SLC9C2: variants seen among roughly 807,000 people sequenced by gnomAD.
SLC9C2 encodes sodium/hydrogen exchanger 11.
Under a neutral mutation model 140.2 loss-of-function variants are expected in SLC9C2, and 75 were observed. The observed-to-expected ratio is 0.53, with a 90% confidence interval of 0.44 to 0.65. SLC9C2 has a LOEUF of 0.65. Among genes scored for constraint, SLC9C2 ranks in the 30% least tolerant of loss-of-function variants. The pLI, the probability that SLC9C2 is intolerant of heterozygous loss-of-function variation, is 0.00. For synonymous variants in SLC9C2, 375 were observed against 420.9 expected (o/e 0.89, Z 1.34); for missense variants, 1,074 against 1,331.8 (o/e 0.81, Z 3.01).
intron 26 of SLC9C2, among the ~76,000 whole-genome samples, chr1:173,504,048 G>A (rs1659463606): frequency 6.6e-6 from 1 of 152,196 alleles, no homozygotes; most frequent in Non-Finnish European, 1.5e-5. Context: ...GCTAGACCCT[G>A]AGTTCCCAGC....
At chr1:173,501,186 T>C (rs1027353607) in intron 27 of SLC9C2, 89 bp from the exon 28 acceptor site, 1 of 1,299,674 alleles carries the variant, frequency 7.7e-7, no homozygotes, top group African/African-American at 1.5e-5. Context: ...AAAACTTATG[T>C]AGGCATTTCT....
chr1:173,586,879 G>C (rs566743736), intron 5 of SLC9C2, among the ~76,000 whole-genome samples: 9 of 152,260 alleles, frequency 5.9e-5, no homozygotes, highest in African/African-American at 9.6e-5. Context: ...GGGCCTGTTG[G>C]GGGGTGGAGG....
At chr1:173,595,047 A>C (rs1180774595) in intron 4 of SLC9C2, among the ~76,000 whole-genome samples, 1 of 152,100 alleles carries the variant, frequency 6.6e-6, no homozygotes, top group Non-Finnish European at 1.5e-5. Flanking sequence ...TTACAGGTGC[A>C]TGCCACCATG....
At chr1:173,571,368 C>T (rs1664833767) in intron 9 of SLC9C2, 2 of 152,268 alleles carry the variant, frequency 1.3e-5, no homozygotes, top group African/African-American at 4.8e-5. Flanking sequence ...CAAGGCCTCC[C>T]TGCTGTTTAT....
chr1:173,585,138 G>C (rs541544285), intron 5 of SLC9C2, among the ~76,000 whole-genome samples: 1 of 152,036 alleles, frequency 6.6e-6, no homozygotes, highest in South Asian at 2.1e-4. Context: ...TTCCAGATTT[G>C]CTTTAAAATA....
rs574638827 is a variant in SLC9C2 at position 173,534,081 on chromosome 1, T to C, written c.1975-284A>G. On this transcript the variant is annotated intron_variant, in intron 16 of 27. Coordinates refer to ENST00000367714, the MANE Select transcript of SLC9C2 (RefSeq NM_178527.4). ...ATACTATTAATAATAAAGTATGAAA[T>C]AGTAATGCTCATAAATCACCTTTTA... Among the ~76,000 whole-genome samples, 3 of 152,266 alleles carry C rather than the reference T, an allele frequency of 2.0e-5. No homozygotes were observed. The South Asian group carries it at 6.2e-4, about 32-fold the overall frequency.
intron 9 of SLC9C2, among the ~76,000 whole-genome samples, chr1:173,564,572 G>A (rs531397452): frequency 4.7e-4 from 71 of 150,374 alleles, no homozygotes; most frequent in Non-Finnish European, 8.6e-4. Context: ...CCTATGACTT[G>A]TTTGAGCTCC....
Position 173,513,689 on chromosome 1 carries a change from C to T in SLC9C2, c.2907+3848G>A, listed in dbSNP as rs187716556. Among the ~76,000 whole-genome samples, 764 of 151,568 alleles carry T rather than the reference C, an allele frequency of 5.0e-3. 7 individuals carry two copies. The highest frequency in any genetic ancestry group is 0.017 in the African/African-American group (714 of 41,200). ...CTGATATTAGTTATTTCTTGTCTTC[C>T]GCTAGCTTTTGGATTTGTTTGCTCT... On this transcript the variant is annotated intron_variant, in intron 23 of 27. Coordinates refer to ENST00000367714, the MANE Select transcript of SLC9C2 (RefSeq NM_178527.4).
At chr1:173,587,291 T>C (rs1227420526) in intron 5 of SLC9C2, among the ~76,000 whole-genome samples, 3 of 152,208 alleles carry the variant, frequency 2.0e-5, no homozygotes, top group Non-Finnish European at 4.4e-5. Context: ...ATAGTCTCTT[T>C]AGGGATCTTT....
At chr1:173,557,318 C>T in intron 10 of SLC9C2, 22 bp downstream of exon 10, 2 of 1,596,948 alleles carry the variant, frequency 1.3e-6, no homozygotes, top group Non-Finnish European at 1.7e-6. Flanking sequence ...TATGAATAAT[C>T]ATGAGACATG....
At chr1:173,537,596 G>A (rs933873243) in intron 13 of SLC9C2, among the ~76,000 whole-genome samples, 15 of 150,972 alleles carry the variant, frequency 9.9e-5, no homozygotes, top group African/African-American at 3.7e-4. Flanking sequence ...ATATATGTGT[G>A]TGTATATATA....
chr1:173,555,422 A>G (rs1346639604), intron 10 of SLC9C2: 2 of 152,270 alleles, frequency 1.3e-5, no homozygotes, highest in Admixed American at 6.5e-5. Context: ...TGAAAAGAGG[A>G]GTTAATAGTA....
intron 26 of SLC9C2, 77 bp from the exon 27 acceptor site, chr1:173,503,403 A>C: frequency 7.6e-7 from 1 of 1,313,806 alleles, no homozygotes; most frequent in Non-Finnish European, 1.1e-6. Flanking sequence ...ATATTTTGAA[A>C]TATCTATTTG....
intron 13 of SLC9C2, among the ~76,000 whole-genome samples, chr1:173,544,190 G>A (rs1409702931): frequency 1.3e-5 from 2 of 152,104 alleles, no homozygotes; most frequent in Non-Finnish European, 2.9e-5. Context: ...ATCAAAAAGT[G>A]GGCAAAGGAT....
intron 13 of SLC9C2, among the ~76,000 whole-genome samples, chr1:173,541,692 AG>A (rs1662433572): frequency 6.6e-6 from 1 of 152,256 alleles, no homozygotes; most frequent in African/African-American, 2.4e-5. Context: ...ATTAGAACTC[AG>A]GATTAAGAAA....
At chr1:173,599,007 A>T (rs990707922) in intron 3 of SLC9C2, among the ~76,000 whole-genome samples, 1 of 152,260 alleles carries the variant, frequency 6.6e-6, no homozygotes, top group African/African-American at 2.4e-5. Flanking sequence ...GTTTTCTTGT[A>T]TCTATGGTAT....
At chr1:173,572,819 A>G (rs1664919544) in intron 9 of SLC9C2, among the ~76,000 whole-genome samples, 1 of 152,228 alleles carries the variant, frequency 6.6e-6, no homozygotes, top group Admixed American at 6.5e-5. Flanking sequence ...TGTTAAGAGC[A>G]ATTAATCTGG....
chr1:173,501,579 C>T (rs1411421954), intron 27 of SLC9C2, among the ~76,000 whole-genome samples: 7 of 137,812 alleles, frequency 5.1e-5, no homozygotes, highest in African/African-American at 1.9e-4. Context: ...GGCATGGTCT[C>T]GGCTCACTGC....
chr1:173,517,996 C>T (rs1232193800), intron 22 of SLC9C2, among the ~76,000 whole-genome samples: 1 of 152,200 alleles, frequency 6.6e-6, no homozygotes. Flanking sequence ...CGCAGTGGCT[C>T]ACGCCTGTAA....
Sources: allele counts gnomAD v4.1 joint callset (sites outside exome capture counted in the v4.1 genomes callset), GRCh38; gene constraint gnomAD v4.1.1; transcripts MANE v1.5; gene names NCBI Gene and HGNC (gene_info 2026-07-23, HGNC 2026-07-21).